Variants in SIRPA observed in about 807,000 individuals in gnomAD.
SIRPA encodes the protein tyrosine-protein phosphatase non-receptor type substrate 1.
A neutral mutation model predicts 50.3 loss-of-function variants in SIRPA; 9 were observed. The observed-to-expected ratio is 0.18, with a 90% CI of 0.11 to 0.31. The LOEUF (loss-of-function observed/expected upper bound fraction) is 0.31, where lower values mean the gene tolerates loss of function less well. Ranked by LOEUF, SIRPA falls within the 10% of genes least tolerant of loss-of-function variation. SIRPA has a pLI of 1.00. For synonymous variants in SIRPA, 265 were observed against 284.1 expected (o/e 0.93, Z 0.68); for missense variants, 474 against 661.6 (o/e 0.72, Z 3.11).
chr20:1,924,633 C>G lies in SIRPA; in HGVS notation c.1088-131C>G. 2.8e-6 allele frequency: 2 copies of G among 713,210 alleles called. No individual in the cohort carries two copies. The highest frequency in any genetic ancestry group is 4.9e-6 in the Non-Finnish European group (2 of 408,440). The allele number at this position is 713,210 out of a possible 1,614,324, so 44.2% of individuals were successfully genotyped here. ...GACCCATGAGTGTGCCCATGTGGCT[C>G]GAGACATCTAAGAAGGTCCAGCCAG... On this transcript the variant is annotated intron_variant, in intron 4 of 7. Coordinates refer to ENST00000358771, the MANE Select transcript of SIRPA (RefSeq NM_001040023.2). The surrounding 1 kb of genome is among the most constrained non-coding windows in gnomAD (Gnocchi z 4.5).
At chr20:1,918,618 G>C (rs1156371952) in intron 2 of SIRPA, among the ~76,000 whole-genome samples, 2 of 151,976 alleles carry the variant, frequency 1.3e-5, no homozygotes, top group East Asian at 3.9e-4. Flanking sequence ...ACCTTTCCAG[G>C]ATGTTATGAG....
At chr20:1,930,007 T>C (rs1226963863) in intron 6 of SIRPA, among the ~76,000 whole-genome samples, 1 of 152,064 alleles carries the variant, frequency 6.6e-6, no homozygotes, top group Admixed American at 6.5e-5. Flanking sequence ...TCCCACAGTC[T>C]GCCCTCCTCC....
intron 6 of SIRPA, among the ~76,000 whole-genome samples, chr20:1,929,982 TC>T (rs1415807014): frequency 6.6e-6 from 1 of 151,686 alleles, no homozygotes; most frequent in Non-Finnish European, 1.5e-5. Context: ...CACACTGTGC[TC>T]CCCCCTTCCC....
At chr20:1,900,176 A>G (rs893026474) in intron 1 of SIRPA, among the ~76,000 whole-genome samples, 2 of 150,018 alleles carry the variant, frequency 1.3e-5, no homozygotes, top group Non-Finnish European at 3.0e-5. Context: ...TCTCGGCTCA[A>G]CGCAACCTCC....
rs567097665 is a variant in SIRPA, at chr20:1,896,629, A to C, written c.79+1103A>C. Reference sequence around the variant, plus strand: ...TGTCCAACACCCCCTTTTGCGTTTGACTAGAGATGGTAACCATCTGATAGC... The same window carrying C: ...TGTCCAACACCCCCTTTTGCGTTTGCCTAGAGATGGTAACCATCTGATAGC... On this transcript the variant is annotated intron_variant, in intron 1 of 7. Coordinates refer to ENST00000358771, the MANE Select transcript of SIRPA (RefSeq NM_001040023.2). Among the ~76,000 whole-genome samples the C allele has an allele frequency of 9.9e-5, 15 of 152,096 alleles. No homozygotes were observed. In the South Asian group the frequency reaches 1.5e-3, roughly 15 times the overall value.
intron 1 of SIRPA, among the ~76,000 whole-genome samples, chr20:1,899,641 C>T (rs967299711): frequency 6.6e-6 from 1 of 152,112 alleles, no homozygotes; most frequent in Non-Finnish European, 1.5e-5. Flanking sequence ...TCCTACTCAT[C>T]CTCCGAGGTT....
In SIRPA at chr20:1,895,454, C is replaced by T. The variant is rs1260136939; in HGVS notation, c.7C>T (p.Pro3Ser). ME[P>S]AGPAPGRLGP... is the part of the protein sequence containing the mutation. ...CGCTCCGCAGCCGCGGCCCATGGAGCCCGCCGGCCCGGCCCCCGGCCGCCT... is the reference window on the plus strand; with the variant it reads ...CGCTCCGCAGCCGCGGCCCATGGAGTCCGCCGGCCCGGCCCCCGGCCGCCT... Residue 3 changes from proline (P) to serine (S), a missense_variant, in exon 1 of 8, where the codon CCC (proline) becomes TCC (serine). By Grantham distance (74) the Pro-to-Ser change is moderately conservative. Around this residue, in one of 4 missense-constraint regions of SIRPA, gnomAD observed 72 missense variants for 76.2 expected, o/e 0.94. Transcript: ENST00000358771. 4 of 1,415,218 alleles carry T rather than the reference C, an allele frequency of 2.8e-6. No individual in the cohort carries two copies. Among genetic ancestry groups the T allele is most frequent in the East Asian group, 6.1e-5 (2 of 32,980 alleles). 87.7% of individuals were successfully genotyped at this position (1,415,218 alleles called of 1,614,324 possible). A position where few individuals can be genotyped will look rare whatever the true frequency, so the allele number is the denominator to read the frequency against.
Position 1,927,472 on chromosome 20 carries a change from G to A in SIRPA, c.1202-403G>A, listed in dbSNP as rs1381362101. On this transcript the variant is annotated intron_variant, in intron 5 of 7. Transcript: ENST00000358771. The surrounding 1 kb of genome is among the most constrained non-coding windows in gnomAD (Gnocchi z 6.5). ...GGTAGCAGACCCGGGGTTCACACATGATCCCCGATTTGCAGCCCTGCTAGA... is the reference window on the plus strand; with the variant it reads ...GGTAGCAGACCCGGGGTTCACACATAATCCCCGATTTGCAGCCCTGCTAGA... 6.6e-6 allele frequency among the ~76,000 whole-genome samples: 1 copy of A among 152,204 alleles called. No homozygotes were observed. The highest frequency in any genetic ancestry group is 1.5e-5 in the Non-Finnish European group (1 of 68,036).
At chr20:1,917,875 G>T (rs1985395891) in intron 2 of SIRPA, among the ~76,000 whole-genome samples, 1 of 152,150 alleles carries the variant, frequency 6.6e-6, no homozygotes, top group East Asian at 1.9e-4. Context: ...GGGTACCCTG[G>T]AGGGAGGCTT....
chr20:1,923,830 G>C (rs978834211), intron 4 of SIRPA, among the ~76,000 whole-genome samples: 1 of 152,226 alleles, frequency 6.6e-6, no homozygotes, highest in African/African-American at 2.4e-5. Context: ...GTGTTGAAGG[G>C]GATGAGCTTC....
Position 1,939,159 on chromosome 20 carries a change from C to T in SIRPA, c.*1591C>T, listed in dbSNP as rs200183042. Reference sequence around the variant, plus strand: ...GACCGGGCCCAGGGCAAGCAGATGTCGCAAGCCCTATTTATTCAGTCTTCA... The same window carrying T: ...GACCGGGCCCAGGGCAAGCAGATGTTGCAAGCCCTATTTATTCAGTCTTCA... On this transcript the variant is annotated 3_prime_UTR_variant, in exon 8 of 8. Transcript: ENST00000358771. The surrounding 1 kb of genome is among the most constrained non-coding windows in gnomAD (Gnocchi z 4.7). 6 of 152,360 alleles carry T rather than the reference C, an allele frequency of 3.9e-5. No individual in the cohort carries two copies. Among genetic ancestry groups the T allele is most frequent in the East Asian group, 3.9e-4 (2 of 5,172 alleles). 9.4% of individuals were successfully genotyped at this position (152,360 alleles called of 1,614,324 possible). A position where few individuals can be genotyped will look rare whatever the true frequency, so the allele number is the denominator to read the frequency against.
In SIRPA at chr20:1,927,579, G is replaced by C. The variant is rs897119974; in HGVS notation, c.1202-296G>C. Among the ~76,000 whole-genome samples, 1 of 152,186 alleles carries C rather than the reference G, an allele frequency of 6.6e-6. No homozygotes were observed. The highest frequency in any genetic ancestry group is 2.4e-5 in the African/African-American group (1 of 41,452). ...CCGCTGAGGTTTGTGGTTGAATGGA[G>C]GTGAGACCCAGACAGAGGTAGGGCG... On this transcript the variant is annotated intron_variant, in intron 5 of 7. Transcript: ENST00000358771. The surrounding 1 kb of genome is among the most constrained non-coding windows in gnomAD (Gnocchi z 6.5).
chr20:1,918,641 C>CTGGGGCGACGATAGACCTTAGTA (rs1368287175), intron 2 of SIRPA, among the ~76,000 whole-genome samples: 2 of 151,990 alleles, frequency 1.3e-5, no homozygotes, highest in African/African-American at 4.8e-5. Context: ...TGCAATGAGC[C>CTGGGGCGACGATAGACCTTAGTA]TGGGGCGACG....
At position 1,939,916 on chromosome 20, in the gene SIRPA, C is replaced by T. The variant is rs1236345483; in HGVS notation, c.*2348C>T. The stretch of plus-strand genomic sequence containing the variant: ...ATGAGTCCTTCCGGTGTTCAGTATT[C>T]TTGTCTTTGTGAGTGCGTCCCGGGG... On this transcript the variant is annotated 3_prime_UTR_variant, in exon 8 of 8. Transcript: ENST00000358771. The surrounding 1 kb of genome is among the most constrained non-coding windows in gnomAD (Gnocchi z 4.7). The T allele has an allele frequency of 2.6e-5, 4 of 152,624 alleles. No homozygotes were observed. 9.5% of individuals were successfully genotyped at this position (152,624 alleles called of 1,614,324 possible).
intron 1 of SIRPA, among the ~76,000 whole-genome samples, chr20:1,901,642 G>A (rs1482707546): frequency 1.3e-5 from 2 of 152,254 alleles, no homozygotes; most frequent in South Asian, 2.1e-4. Flanking sequence ...AGCCCTCCAC[G>A]AGATGGATTT....
At chr20:1,916,607 C>CA (rs1288864127) in intron 2 of SIRPA, among the ~76,000 whole-genome samples, 1 of 152,216 alleles carries the variant, frequency 6.6e-6, no homozygotes, top group Non-Finnish European at 1.5e-5. Flanking sequence ...AAACCGCTCC[C>CA]AAATGTAAGC....
chr20:1,920,890 T>C (rs966881444), intron 2 of SIRPA, among the ~76,000 whole-genome samples: 1 of 152,352 alleles, frequency 6.6e-6, no homozygotes, highest in East Asian at 1.9e-4. Flanking sequence ...GAAATGCTGC[T>C]GTTCCATTTT....
intron 6 of SIRPA, among the ~76,000 whole-genome samples, chr20:1,931,817 A>T (rs1986313587): frequency 6.6e-6 from 1 of 152,206 alleles, no homozygotes; most frequent in Non-Finnish European, 1.5e-5. Flanking sequence ...CCCAGCTCAG[A>T]TGAGAGAAAA....
At chr20:1,921,135 A>G (rs974548492) in intron 2 of SIRPA, among the ~76,000 whole-genome samples, 3 of 152,302 alleles carry the variant, frequency 2.0e-5, no homozygotes, top group African/African-American at 7.2e-5. Flanking sequence ...CCCTGTGTGG[A>G]GTGGAGAAGT....
Sources: allele counts gnomAD v4.1 joint callset (sites outside exome capture counted in the v4.1 genomes callset), GRCh38; gene constraint gnomAD v4.1.1; regional missense constraint gnomAD v4.1.1; non-coding constraint Gnocchi (gnomAD v3.1); transcripts MANE v1.5; gene names NCBI Gene and HGNC (gene_info 2026-07-23, HGNC 2026-07-21).